Variants in EIF4G1 observed in about 807,000 individuals in gnomAD.
EIF4G1 encodes EIF4-gamma.
Under a neutral mutation model 187.8 loss-of-function variants are expected in EIF4G1, and 4 were observed. The ratio of observed to expected loss-of-function variants is 0.02; its 90% CI spans 0.01 to 0.05. EIF4G1 has a LOEUF of 0.05. Ranked by LOEUF, EIF4G1 falls within the 10% of genes least tolerant of loss-of-function variation. EIF4G1 has a pLI of 1.00. For synonymous variants in EIF4G1, 844 were observed against 781.4 expected, an observed-to-expected ratio of 1.08 and a Z score of -1.34; for missense variants, 1,647 against 2,081.1, an observed-to-expected ratio of 0.79 and a Z score of 4.06.
At position 184,327,205 on chromosome 3, in the gene EIF4G1, C is replaced by T. The variant is rs780604018; in HGVS notation, c.3429-11C>T. 17 of 1,612,474 alleles carry T rather than the reference C, an allele frequency of 1.1e-5. No homozygotes were observed. The South Asian group carries it at 1.2e-4, about 11-fold the overall frequency. The stretch of plus-strand genomic sequence containing the variant: ...TGCAAGTGAGTGAAAATTTGTCTGT[C>T]TGTCTTCCAGGAGTAGCTTGAGCCG... On this transcript the variant is annotated splice_polypyrimidine_tract_variant and intron_variant, in intron 23 of 32. Coordinates refer to ENST00000346169, the MANE Select transcript of EIF4G1 (RefSeq NM_198241.3).
chr3:184,318,467 G>T (rs534663685), intron 6 of EIF4G1, among the ~76,000 whole-genome samples: 2 of 152,108 alleles, frequency 1.3e-5, no homozygotes, highest in African/African-American at 4.8e-5. Context: ...AAAATTTGAG[G>T]GGGGCTGAGC....
rs1395982703 is a variant in EIF4G1, at chr3:184,326,519, T to C, written c.3223-8T>C. 1 of 1,614,008 alleles carries C rather than the reference T, an allele frequency of 6.2e-7. No individual in the cohort carries two copies. Among genetic ancestry groups the C allele is most frequent in the Non-Finnish European group, 8.5e-7 (1 of 1,180,018 alleles). ...GACCTATGATTCTACTCCCCTTTTC[T>C]TCTTCAGCCTGGCTCCATCGATTCT... On this transcript the variant is annotated splice_region_variant and splice_polypyrimidine_tract_variant and intron_variant, in intron 21 of 32. Coordinates refer to ENST00000346169, the MANE Select transcript of EIF4G1 (RefSeq NM_198241.3).
chr3:184,321,921 C>A lies in EIF4G1; in HGVS notation c.1337C>A (p.Pro446His). ...TIPSATPATAPSATSPAQEEE... is the reference protein window; with the variant it reads ...TIPSATPATAHSATSPAQEEE... ...CCCTCTGCTACTCCAGCTACGGCTC[C>A]TTCAGCTACTTCCCCAGCTCAGGAG... The change falls in exon 10 of 33, where the codon CCT (proline) becomes CAT (histidine). Residue 446 changes from proline (P) to histidine (H), a missense_variant. This residue lies in a region of EIF4G1 where 522 missense variants were observed against 485.2 expected (regional missense o/e 1.08). Transcript: ENST00000346169. 1.2e-6 allele frequency: 2 copies of A among 1,614,222 alleles called. No individual in the cohort carries two copies. Among genetic ancestry groups the A allele is most frequent in the Non-Finnish European group, 1.7e-6 (2 of 1,180,044 alleles).
chr3:184,328,077 C>G (rs1725291089), intron 26 of EIF4G1, 75 bp downstream of exon 26: 1 of 1,550,404 alleles, frequency 6.4e-7, no homozygotes, highest in Non-Finnish European at 8.8e-7. Flanking sequence ...ACCCTTGGAA[C>G]CTTGCATAAG....
At position 184,325,223 on chromosome 3, in the gene EIF4G1, G is replaced by C. The variant is rs1560220504; in HGVS notation, c.2857-46G>C. 3 of 1,610,150 alleles carry C rather than the reference G, an allele frequency of 1.9e-6. No individual in the cohort carries two copies. In the Admixed American group the frequency reaches 5.0e-5, roughly 27 times the overall value. On this transcript the variant is annotated intron_variant, in intron 18 of 32. Transcript: ENST00000346169. This position sits in a 1 kb window ranked among gnomAD's most constrained non-coding sequence, Gnocchi z 5.2. The stretch of plus-strand genomic sequence containing the variant: ...AGGAGGGGTGGGGCCTGCAGTTATA[G>C]GTGGGACATGAGAAGTTCCTGGTCT...
intron 17 of EIF4G1, 63 bp downstream of exon 17, chr3:184,324,410 C>T (rs756831351): frequency 1.9e-5 from 31 of 1,610,646 alleles, no homozygotes; most frequent in Non-Finnish European, 2.1e-5. Flanking sequence ...CCAGATGCTA[C>T]TCAGCTGTAG....
chr3:184,322,507 C>G (rs1385296041), intron 11 of EIF4G1, 37 bp from the exon 12 acceptor site: 1 of 1,613,896 alleles, frequency 6.2e-7, no homozygotes, highest in Non-Finnish European at 8.5e-7. Flanking sequence ...GAGCAGTGGT[C>G]ATTCTGCAAC....
chr3:184,328,257 C>T (rs1248493380), intron 26 of EIF4G1: 7 of 502,412 alleles, frequency 1.4e-5, no homozygotes, highest in Non-Finnish European at 2.5e-5. Flanking sequence ...ATTAGCCAGG[C>T]GTGGTGGCAC....
Position 184,315,546 on chromosome 3 carries a change from G to A in EIF4G1, c.-35+1G>A. 1 of 748,686 alleles carries A rather than the reference G, an allele frequency of 1.3e-6. No individual in the cohort carries two copies. The highest frequency in any genetic ancestry group is 2.5e-6 in the Non-Finnish European group (1 of 404,634). 46.4% of individuals were successfully genotyped at this position (748,686 alleles called of 1,614,324 possible). On this transcript the variant is annotated splice_donor_variant, in intron 2 of 32. Coordinates refer to ENST00000346169, the MANE Select transcript of EIF4G1 (RefSeq NM_198241.3). LOFTEE classifies it low-confidence loss of function (5UTR_SPLICE). The stretch of plus-strand genomic sequence containing the variant: ...CGTGGACTTGTTCTTAATCGAGGGG[G>A]TGAGTGAGGGGTCTGTTTCAGTAGG...
chr3:184,325,830 A>T lies in EIF4G1; in HGVS notation c.3122-21A>T. On this transcript the variant is annotated intron_variant, in intron 20 of 32. Transcript: ENST00000346169. This position sits in a 1 kb window ranked among gnomAD's most constrained non-coding sequence, Gnocchi z 5.2. ...GCTAGGATTTATTCATTATTCCAGT[A>T]TGCCCCTCTTTTTGTGTCAGGCCGT... 1 of 1,613,966 alleles carries T rather than the reference A, an allele frequency of 6.2e-7. No individual in the cohort carries two copies.
chr3:184,324,848 T>C lies in EIF4G1; in HGVS notation c.2620-30T>C, dbSNP rs753551335. The C allele has an allele frequency of 1.6e-5, 25 of 1,609,690 alleles. No individual in the cohort carries two copies. In the Admixed American group the frequency reaches 4.2e-4, roughly 27 times the overall value. ...TTTAGCCGAGTGGCTGGTTATCTTT[T>C]TGACACAATCCCTGTCCTGTGAATG... is the stretch of plus-strand genomic sequence containing the variant. On this transcript the variant is annotated intron_variant, in intron 17 of 32. Transcript: ENST00000346169.
chr3:184,321,043 A>C (rs114840884), intron 9 of EIF4G1, 50 bp downstream of exon 9: 44 of 1,598,260 alleles, frequency 2.8e-5, no homozygotes, highest in Non-Finnish European at 1.4e-5. Flanking sequence ...GAATGTTAAC[A>C]GTTAAATGCT....
intron 2 of EIF4G1, 64 bp from the exon 3 acceptor site, chr3:184,315,691 AACCCTTTC>A: frequency 8.5e-7 from 1 of 1,180,974 alleles, no homozygotes; most frequent in South Asian, 1.3e-5. Context: ...CCCTTGCATC[AACCCTTTC>A]ACCGCCCCAT....
At position 184,327,844 on chromosome 3, in the gene EIF4G1, C is replaced by T. The variant is rs201832819; in HGVS notation, c.3795C>T (p.Cys1265=). The T allele has an allele frequency of 1.5e-5, 25 of 1,613,884 alleles. No homozygotes were observed. The highest frequency in any genetic ancestry group is 5.0e-5 in the Admixed American group (3 of 60,012). The change falls in exon 26 of 33, where the codon TGC becomes TGT. Residue 1265 remains cysteine (C), a synonymous_variant. Coordinates refer to ENST00000346169, the MANE Select transcript of EIF4G1 (RefSeq NM_198241.3). ...HLNDMKEAVQ[C]VQELASPSLL... Reference sequence around the variant, plus strand: ...GCACCCCTCAGGAGGCAGTCCAGTGCGTGCAGGAGCTGGCCTCACCCTCCT... The same window carrying T: ...GCACCCCTCAGGAGGCAGTCCAGTGTGTGCAGGAGCTGGCCTCACCCTCCT...
Position 184,325,449 on chromosome 3 carries a change from C to A in EIF4G1, c.2962-31C>A. On this transcript the variant is annotated intron_variant, in intron 19 of 32. Transcript: ENST00000346169. The surrounding 1 kb of genome is among the most constrained non-coding windows in gnomAD (Gnocchi z 5.2). ...CACTGCCTTGTCTTGCCTTCCCTGACATCATCGTGACTGGCCCTCTGTCTC... is the reference window on the plus strand; with the variant it reads ...CACTGCCTTGTCTTGCCTTCCCTGAAATCATCGTGACTGGCCCTCTGTCTC... 1.2e-6 allele frequency: 2 copies of A among 1,614,198 alleles called. No homozygotes were observed. The highest frequency in any genetic ancestry group is 1.7e-6 in the Non-Finnish European group (2 of 1,180,044).
chr3:184,319,811 A>G lies in EIF4G1; in HGVS notation c.537+10A>G, dbSNP rs764170552. The G allele has an allele frequency of 1.3e-6, 2 of 1,558,982 alleles. No homozygotes were observed. The highest frequency in any genetic ancestry group is 1.8e-6 in the Non-Finnish European group (2 of 1,139,192). ...GAGGGAGCGTAAGACGGTGAGTAGCAGTGAGGGGCTCCGGGACATCTGGGA... is the reference window on the plus strand; with the variant it reads ...GAGGGAGCGTAAGACGGTGAGTAGCGGTGAGGGGCTCCGGGACATCTGGGA... On this transcript the variant is annotated intron_variant, in intron 7 of 32. Coordinates refer to ENST00000346169, the MANE Select transcript of EIF4G1 (RefSeq NM_198241.3).
At chr3:184,332,254 T>TA in intron 32 of EIF4G1, 168 bp downstream of exon 32, 1 of 942,632 alleles carries the variant, frequency 1.1e-6, no homozygotes, top group Admixed American at 2.5e-5. Flanking sequence ...GTGTTGTTCC[T>TA]ACAAGTGGAA....
rs1726745844 is a variant in EIF4G1 at position 184,334,400 on chromosome 3, T to TTTAGCG, written c.4619-326_4619-321dup. Among the ~76,000 whole-genome samples, 1 of 152,172 alleles carries TTTAGCG rather than the reference T, an allele frequency of 6.6e-6. No homozygotes were observed. The highest frequency in any genetic ancestry group is 6.5e-5 in the Admixed American group (1 of 15,274). Reference sequence around the variant, plus strand: ...CTTTATGTATGATATATATAGGACTTTTAGCGATTTCCTGAATTCAGGAGT... The same window carrying TTTAGCG: ...CTTTATGTATGATATATATAGGACTTTTAGCGTTAGCGATTTCCTGAATTCAGGAGT... On this transcript the variant is annotated intron_variant, in intron 32 of 32. Transcript: ENST00000346169. The surrounding 1 kb of genome is among the most constrained non-coding windows in gnomAD (Gnocchi z 5.8).
intron 28 of EIF4G1, 79 bp downstream of exon 28, chr3:184,329,069 TC>T: frequency 6.6e-7 from 1 of 1,518,622 alleles, no homozygotes; most frequent in Non-Finnish European, 9.1e-7. Context: ...AGCTTCATGG[TC>T]CATTGGTGGA....
Sources: allele counts gnomAD v4.1 joint callset (sites outside exome capture counted in the v4.1 genomes callset), GRCh38; gene constraint gnomAD v4.1.1; regional missense constraint gnomAD v4.1.1; non-coding constraint Gnocchi (gnomAD v3.1); transcripts MANE v1.5; gene names NCBI Gene and HGNC (gene_info 2026-07-23, HGNC 2026-07-21).